The following MED24 variants were observed in gnomAD, a reference collection of about 807,000 sequenced individuals.
MED24 encodes mediator of RNA polymerase II transcription subunit 24.
In MED24, 74 loss-of-function variants were observed where a neutral mutation model predicts 118.8. The observed-to-expected ratio is 0.62, with a 90% CI of 0.52 to 0.76. The LOEUF (loss-of-function observed/expected upper bound fraction) is 0.76, where lower values mean the gene tolerates loss of function less well. MED24 is among the 30% of genes least tolerant of loss of function. The pLI is 0.00. For synonymous variants in MED24, 521 were observed against 523.9 expected, an observed-to-expected ratio of 0.99 and a Z score of 0.08; for missense variants, 1,041 against 1,278.9, an observed-to-expected ratio of 0.81 and a Z score of 2.84.
Position 40,028,943 on chromosome 17 carries a change from G to A in MED24, c.1292C>T (p.Ser431Leu). The stretch of plus-strand genomic sequence containing the variant: ...CAGGACTCCCAGCAGTCCCTCCGGT[G>A]ACTTAGAGTGGTCTGCATCCATCGT... ...LKTMDADHSK[S>L]PEGLLGVLGH... is the part of the protein sequence containing the mutation. The change falls in exon 14 of 26, where the codon TCA becomes TTA. Residue 431 changes from serine (S) to leucine (L), a missense_variant. By Grantham distance (145) the Ser-to-Leu change is moderately radical. Coordinates refer to ENST00000394128, the MANE Select transcript of MED24 (RefSeq NM_014815.4). 1 of 1,614,194 alleles carries A rather than the reference G, an allele frequency of 6.2e-7. No individual in the cohort carries two copies. Among genetic ancestry groups the A allele is most frequent in the Non-Finnish European group, 8.5e-7 (1 of 1,180,038 alleles).
At chr17:40,023,681 C>A in intron 19 of MED24, 2 of 368,400 alleles carry the variant, frequency 5.4e-6, no homozygotes, top group Non-Finnish European at 9.8e-6. Flanking sequence ...TTCTTTTATT[C>A]TCCAACTTCC....
At chr17:40,041,086 C>T (rs757253669) in intron 3 of MED24, among the ~76,000 whole-genome samples, 8 of 152,150 alleles carry the variant, frequency 5.3e-5, no homozygotes, top group Non-Finnish European at 8.8e-5. Flanking sequence ...TCTACCTGCA[C>T]ACCTTCCATT....
intron 12 of MED24, among the ~76,000 whole-genome samples, chr17:40,030,849 G>A (rs978195724): frequency 6.6e-6 from 1 of 151,998 alleles, no homozygotes; most frequent in Non-Finnish European, 1.5e-5. Flanking sequence ...AGTAGACATG[G>A]GGTTTTGCCA....
chr17:40,033,227 G>A lies in MED24; in HGVS notation c.672-21C>T, dbSNP rs2144912427. Reference sequence around the variant, plus strand: ...GGATGCTGAGGGGTCACAAACACAGGGGACGGTGTTTGGGGGGCCAAAGGT... The same window carrying A: ...GGATGCTGAGGGGTCACAAACACAGAGGACGGTGTTTGGGGGGCCAAAGGT... On this transcript the variant is annotated intron_variant, in intron 7 of 25. Transcript: ENST00000394128. The surrounding 1 kb of genome is among the most constrained non-coding windows in gnomAD (Gnocchi z 5.2). 6.2e-7 allele frequency: 1 copy of A among 1,613,438 alleles called. No homozygotes were observed. The highest frequency in any genetic ancestry group is 1.1e-5 in the South Asian group (1 of 91,082).
chr17:40,021,325 T>C (rs1181063392), intron 23 of MED24: 2 of 152,436 alleles, frequency 1.3e-5, no homozygotes, highest in East Asian at 1.9e-4. Flanking sequence ...AAACCTAGCA[T>C]CTTTCTTCTG....
chr17:40,050,215 G>A (rs944574310), intron 3 of MED24, among the ~76,000 whole-genome samples: 1 of 148,788 alleles, frequency 6.7e-6, no homozygotes, highest in Non-Finnish European at 1.5e-5. Flanking sequence ...ATTGGAGGCC[G>A]AGGTGAGCGG....
At chr17:40,041,083 G>A (rs573070632) in intron 3 of MED24, among the ~76,000 whole-genome samples, 4 of 152,222 alleles carry the variant, frequency 2.6e-5, no homozygotes, top group African/African-American at 9.6e-5. Flanking sequence ...GGCTCTACCT[G>A]CACACCTTCC....
intron 14 of MED24, among the ~76,000 whole-genome samples, chr17:40,028,410 G>A (rs145672554): frequency 7.3e-4 from 111 of 152,216 alleles, no homozygotes; most frequent in African/African-American, 2.3e-3. Context: ...CACCGCACCC[G>A]GCCAGAAGGA....
At chr17:40,021,729 G>A (rs1982038754) in intron 23 of MED24, among the ~76,000 whole-genome samples, 1 of 152,218 alleles carries the variant, frequency 6.6e-6, no homozygotes, top group Admixed American at 6.5e-5. Flanking sequence ...TGTGGGCTGG[G>A]CTGGACCTGG....
intron 10 of MED24, 96 bp from the exon 11 acceptor site, chr17:40,031,716 C>A: frequency 8.4e-7 from 1 of 1,193,900 alleles, no homozygotes; most frequent in Non-Finnish European, 1.2e-6. Flanking sequence ...GCCTGAGTTG[C>A]CTGGCTGCTT....
intron 6 of MED24, among the ~76,000 whole-genome samples, chr17:40,034,729 A>G (rs917629384): frequency 6.6e-6 from 1 of 152,190 alleles, no homozygotes; most frequent in Non-Finnish European, 1.5e-5. Flanking sequence ...GACAAACACA[A>G]TAATGGACAC....
chr17:40,023,368 C>A lies in MED24; in HGVS notation c.2013G>T (p.Glu671Asp). The change falls in exon 20 of 26, where the codon GAG (glutamate) becomes GAT (aspartate). Residue 671 changes from glutamate (E) to aspartate (D), a missense_variant. Glu to Asp is a conservative substitution (Grantham distance 45). This residue lies in a region of MED24 where 587 missense variants were observed against 694.4 expected (regional missense o/e 0.85). Coordinates refer to ENST00000394128, the MANE Select transcript of MED24 (RefSeq NM_014815.4). ...ERVVIMNSIL[E>D]RMCADVLQQT... Reference sequence around the variant, plus strand: ...GCTGCAGCACGTCGGCACACATGCGCTCCAGGATCGAGTTCATGATCACCA... The same window carrying A: ...GCTGCAGCACGTCGGCACACATGCGATCCAGGATCGAGTTCATGATCACCA... 1 of 1,604,096 alleles carries A rather than the reference C, an allele frequency of 6.2e-7. No individual in the cohort carries two copies. Among genetic ancestry groups the A allele is most frequent in the Non-Finnish European group, 8.5e-7 (1 of 1,173,968 alleles).
rs35743512 is a variant in MED24, at chr17:40,043,890, C to CAA, written c.214-7738_214-7737dup. ...TGGGCAGAAGAGCGAGACTCCATCT[C>CAA]AAAAAAAAAAAAAACAAAGATTTAA... is the stretch of plus-strand genomic sequence containing the variant. On this transcript the variant is annotated intron_variant, in intron 3 of 25. Transcript: ENST00000394128. Among the ~76,000 whole-genome samples the CAA allele has an allele frequency of 3.3e-3, 323 of 97,318 alleles. 6 individuals are homozygous for CAA. The highest frequency in any genetic ancestry group is 5.0e-3 in the Non-Finnish European group (232 of 46,064). 63.8% of individuals were successfully genotyped at this position (97,318 alleles called of 152,430 possible). A position where few individuals can be genotyped will look rare whatever the true frequency, so the allele number is the denominator to read the frequency against.
intron 15 of MED24, 116 bp from the exon 16 acceptor site, chr17:40,027,581 A>G (rs988824612): frequency 2.1e-6 from 2 of 948,746 alleles, no homozygotes; most frequent in South Asian, 1.6e-5. Context: ...GGCTCCTTCA[A>G]AGCTCTGAGG....
intron 3 of MED24, among the ~76,000 whole-genome samples, chr17:40,040,500 G>A (rs926245754): frequency 2.6e-5 from 4 of 152,074 alleles, no homozygotes; most frequent in Non-Finnish European, 5.9e-5. Flanking sequence ...TTACAGGTAT[G>A]AGCCTGGCCT....
intron 3 of MED24, among the ~76,000 whole-genome samples, chr17:40,047,244 A>G (rs989933278): frequency 1.3e-5 from 2 of 152,236 alleles, no homozygotes; most frequent in African/African-American, 4.8e-5. Context: ...AAGAAATCCA[A>G]ATAAAGGCAA....
At position 40,019,532 on chromosome 17, in the gene MED24, G is replaced by A. The variant is rs760399719; in HGVS notation, c.2967C>T (p.Leu989=). 17 of 1,611,606 alleles carry A rather than the reference G, an allele frequency of 1.1e-5. No individual in the cohort carries two copies. The South Asian group carries it at 1.9e-4, about 18-fold the overall frequency. Residue 989 remains leucine (L), a synonymous_variant, in exon 26 of 26, where the codon CTC becomes CTT. Coordinates refer to ENST00000394128, the MANE Select transcript of MED24 (RefSeq NM_014815.4). ...CACTGCGGCCATGCCAAGCCCCTCA[G>A]AGTGCAGCAATGGCTTTAGCAGCCA... is the stretch of plus-strand genomic sequence containing the variant. ...RQVAAKAIAA[L] is the part of the protein sequence containing the mutation.
rs990865670 is a variant in MED24 at position 40,037,231 on chromosome 17, G to GGAAGGAAA, written c.214-1085_214-1078dup. On this transcript the variant is annotated intron_variant, in intron 3 of 25. Coordinates refer to ENST00000394128, the MANE Select transcript of MED24 (RefSeq NM_014815.4). ...GAGAAAGAGGGAAGGAAGGAAGGAA[G>GGAAGGAAA]GAAGGAAAGAAGGAAAGAAGGAAAG... Among the ~76,000 whole-genome samples, 755 of 150,686 alleles carry GGAAGGAAA rather than the reference G, an allele frequency of 5.0e-3. 7 individuals are homozygous for GGAAGGAAA. The highest frequency in any genetic ancestry group is 0.016 in the African/African-American group (661 of 40,594).
chr17:40,035,899 C>A, intron 4 of MED24, 104 bp from the exon 5 acceptor site: 1 of 1,220,028 alleles, frequency 8.2e-7, no homozygotes. Flanking sequence ...TCTCCTCCAA[C>A]CCTGGGTTCC....
Sources: gnomAD v4.1 joint callset for allele counts (sites outside exome capture counted in the v4.1 genomes callset) on GRCh38, gnomAD v4.1.1 for gene constraint, gnomAD v4.1.1 regional missense constraint, Gnocchi (gnomAD v3.1) non-coding constraint, MANE v1.5 for transcripts, NCBI Gene and HGNC (gene_info 2026-07-23, HGNC 2026-07-21) for gene names.